The following PHACTR1 variants were observed in gnomAD, a reference collection of about 807,000 sequenced individuals.
PHACTR1 encodes phosphatase and actin regulator 1.
PHACTR1 carries 16 observed loss-of-function variants against 69.2 expected under a neutral mutation model. The ratio of observed to expected loss-of-function variants is 0.23; its 90% CI spans 0.16 to 0.35. The LOEUF (loss-of-function observed/expected upper bound fraction) is 0.35, where lower values mean the gene tolerates loss of function less well. Among genes scored for constraint, PHACTR1 ranks in the 10% least tolerant of loss-of-function variants. PHACTR1 has a pLI of 1.00. For synonymous variants in PHACTR1, 312 were observed against 284.5 expected, an observed-to-expected ratio of 1.10 and a Z score of -0.97; for missense variants, 510 against 734.7, an observed-to-expected ratio of 0.69 and a Z score of 3.54.
At chr6:12,784,135 A>G (rs1771187734) in intron 4 of PHACTR1, among the ~76,000 whole-genome samples, 1 of 152,104 alleles carries the variant, frequency 6.6e-6, no homozygotes, top group Non-Finnish European at 1.5e-5. Context: ...ACATATGCAC[A>G]TATACATATG....
chr6:12,978,642 A>G (rs918363032), intron 4 of PHACTR1, among the ~76,000 whole-genome samples: 2 of 152,188 alleles, frequency 1.3e-5, no homozygotes, highest in Non-Finnish European at 2.9e-5. Context: ...TCTCCCACCT[A>G]CAAAGCTTGA....
intron 3 of PHACTR1, among the ~76,000 whole-genome samples, chr6:12,727,723 T>A (rs1200065940): frequency 6.6e-6 from 1 of 152,106 alleles, no homozygotes; most frequent in Non-Finnish European, 1.5e-5. Context: ...CCCAAACAAA[T>A]CTGTTTTCTC....
intron 4 of PHACTR1, among the ~76,000 whole-genome samples, chr6:12,914,596 T>G (rs558281487): frequency 3.3e-5 from 5 of 152,248 alleles, no homozygotes; most frequent in African/African-American, 1.2e-4. Context: ...ATTGCAAATA[T>G]GAATTCATTC....
chr6:12,883,871 A>G (rs1274971516), intron 4 of PHACTR1, among the ~76,000 whole-genome samples: 1 of 152,136 alleles, frequency 6.6e-6, no homozygotes, highest in African/African-American at 2.4e-5. Flanking sequence ...GTATTGTCTT[A>G]TAAGATTCCA....
At chr6:12,876,047 CAAAAT>C (rs1488824078) in intron 4 of PHACTR1, among the ~76,000 whole-genome samples, 3 of 152,086 alleles carry the variant, frequency 2.0e-5, no homozygotes, top group East Asian at 1.9e-4. Context: ...TCAATTAACT[CAAAAT>C]AAAGAGAACA....
chr6:13,219,558 A>G, intron 8 of PHACTR1, among the ~76,000 whole-genome samples: 1 of 152,188 alleles, frequency 6.6e-6, no homozygotes, highest in Non-Finnish European at 1.5e-5. Flanking sequence ...TGGATTATCC[A>G]GCCTGGTAAT....
intron 4 of PHACTR1, among the ~76,000 whole-genome samples, chr6:12,782,949 A>G (rs763843915): frequency 1.6e-4 from 24 of 152,212 alleles, no homozygotes; most frequent in Non-Finnish European, 3.1e-4. Flanking sequence ...TTCAACCTAT[A>G]TTATTCCTGG....
chr6:13,056,248 A>G lies in PHACTR1; in HGVS notation c.415+2719A>G, dbSNP rs1345506235. On this transcript the variant is annotated intron_variant, in intron 5 of 14. Transcript: ENST00000332995. ...CATAGTGAGACCTCATCTCTACAAA[A>G]CATAAAATTAACATGGGGACACATG... is the stretch of plus-strand genomic sequence containing the variant. 2.6e-5 allele frequency among the ~76,000 whole-genome samples: 4 copies of G among 152,284 alleles called. No homozygotes were observed. In the East Asian group the frequency reaches 7.7e-4, roughly 29 times the overall value.
intron 4 of PHACTR1, among the ~76,000 whole-genome samples, chr6:12,865,219 G>A (rs569084632): frequency 6.6e-6 from 1 of 152,340 alleles, no homozygotes; most frequent in South Asian, 2.1e-4. Flanking sequence ...TGGGCACTGG[G>A]AGGACTAGGC....
intron 4 of PHACTR1, among the ~76,000 whole-genome samples, chr6:12,926,863 A>G (rs1788321214): frequency 1.3e-5 from 2 of 152,114 alleles, no homozygotes; most frequent in South Asian, 4.1e-4. Context: ...TTTAATCCCT[A>G]CATGCGCTGG....
chr6:13,133,312 C>T (rs1385898039), intron 5 of PHACTR1, among the ~76,000 whole-genome samples: 1 of 147,760 alleles, frequency 6.8e-6, no homozygotes, highest in African/African-American at 2.5e-5. Flanking sequence ...TCTCCCTCTC[C>T]CTCTCTCTCC....
intron 4 of PHACTR1, among the ~76,000 whole-genome samples, chr6:12,771,515 G>T (rs758930611): frequency 6.6e-6 from 1 of 152,194 alleles, no homozygotes; most frequent in East Asian, 1.9e-4. Flanking sequence ...TCATAAGCAG[G>T]TAAGATCTGG....
intron 3 of PHACTR1, among the ~76,000 whole-genome samples, chr6:12,734,072 GCA>G (rs921453227): frequency 6.6e-6 from 1 of 152,086 alleles, no homozygotes; most frequent in African/African-American, 2.4e-5. Flanking sequence ...CAGCCCCTCT[GCA>G]CAGTGTCTAC....
intron 5 of PHACTR1, among the ~76,000 whole-genome samples, chr6:13,104,100 A>G (rs943971740): frequency 2.1e-4 from 32 of 152,292 alleles, no homozygotes; most frequent in African/African-American, 7.0e-4. Context: ...AATAAAAAAT[A>G]AAGAAAATTT....
At chr6:12,920,251 C>A (rs1228508389) in intron 4 of PHACTR1, among the ~76,000 whole-genome samples, 1 of 152,138 alleles carries the variant, frequency 6.6e-6, no homozygotes, top group East Asian at 1.9e-4. Flanking sequence ...TCCAATTTAC[C>A]TGACAATGAG....
intron 5 of PHACTR1, among the ~76,000 whole-genome samples, chr6:13,139,113 CTTTT>C (rs10656438): frequency 7.0e-6 from 1 of 142,032 alleles, no homozygotes. Context: ...TGCTATTTGC[CTTTT>C]TTTTTTTTTG....
intron 4 of PHACTR1, among the ~76,000 whole-genome samples, chr6:12,901,492 A>AT (rs1785183778): frequency 6.6e-6 from 1 of 152,066 alleles, no homozygotes; most frequent in South Asian, 2.1e-4. Flanking sequence ...GATTTCACGC[A>AT]TTTTTTGGTT....
At chr6:13,044,898 G>A (rs1207443118) in intron 4 of PHACTR1, among the ~76,000 whole-genome samples, 5 of 152,074 alleles carry the variant, frequency 3.3e-5, no homozygotes, top group African/African-American at 7.2e-5. Context: ...GATCTAGGGC[G>A]GGTATTCGCC....
intron 4 of PHACTR1, among the ~76,000 whole-genome samples, chr6:12,766,099 G>A (rs1273651034): frequency 2.6e-5 from 4 of 152,034 alleles, no homozygotes; most frequent in South Asian, 2.1e-4. Flanking sequence ...AAAATCATGG[G>A]TGCCTCCCAT....
Sources: allele counts gnomAD v4.1 joint callset (sites outside exome capture counted in the v4.1 genomes callset), GRCh38; gene constraint gnomAD v4.1.1; transcripts MANE v1.5; gene names NCBI Gene and HGNC (gene_info 2026-07-23, HGNC 2026-07-21).